Variants in AXIN1 observed in about 807,000 individuals in gnomAD.
The protein encoded by AXIN1 is axin 1.
Under a neutral mutation model 76.4 loss-of-function variants are expected in AXIN1, and 30 were observed. The observed-to-expected ratio is 0.39, with a 90% CI of 0.29 to 0.53. AXIN1 has a LOEUF of 0.53. Among genes scored for constraint, AXIN1 ranks in the 20% least tolerant of loss-of-function variants. AXIN1 has a pLI of 0.66. For synonymous variants in AXIN1, 545 were observed against 501.4 expected (o/e 1.09, Z -1.16); for missense variants, 1,140 against 1,198.8 (o/e 0.95, Z 0.72).
chr16:345,689 G>C (rs998722043), intron 2 of AXIN1, among the ~76,000 whole-genome samples: 3 of 150,262 alleles, frequency 2.0e-5, no homozygotes, highest in African/African-American at 7.4e-5. Context: ...ACTCCAGCCT[G>C]AGCAACAAAA....
chr16:302,527 C>T (rs1260978718), intron 5 of AXIN1, among the ~76,000 whole-genome samples: 2 of 152,250 alleles, frequency 1.3e-5, no homozygotes, highest in African/African-American at 4.8e-5. Flanking sequence ...AGCTGCTCAA[C>T]GAGCTATGTA....
chr16:344,362 G>A (rs1412411074), intron 2 of AXIN1, among the ~76,000 whole-genome samples: 2 of 149,430 alleles, frequency 1.3e-5, no homozygotes, highest in African/African-American at 4.9e-5. Flanking sequence ...CCTGGGAGGC[G>A]GAGCTTGCAG....
chr16:346,111 G>C (rs2054027789), intron 2 of AXIN1, 37 bp downstream of exon 2: 1 of 1,600,106 alleles, frequency 6.2e-7, no homozygotes, highest in Non-Finnish European at 8.5e-7. Context: ...GCTCTCGGAG[G>C]TGAGTACAGA....
In AXIN1 at chr16:289,599, G is replaced by A. The variant is rs138816818; in HGVS notation, c.2303C>T (p.Ser768Leu). ...ACTCCCGCCGCCCACCTTCCTCTGC[G>A]ATCTTGTCCTGGGGAAAGAGATGCA... ...DMELSETETR[S>L]QRKVGGGSAQ... Residue 768 changes from serine to leucine, a missense_variant, in exon 10 of 11, where the codon TCG becomes TTG. Ser to Leu is a moderately radical substitution (Grantham distance 145). This residue lies in a region of AXIN1 where 429 missense variants were observed against 405.8 expected (regional missense o/e 1.06). Coordinates refer to ENST00000262320, the MANE Select transcript of AXIN1 (RefSeq NM_003502.4). 2.6e-4 allele frequency: 421 copies of A among 1,612,774 alleles called. No homozygotes were observed. The highest frequency in any genetic ancestry group is 3.2e-4 in the Non-Finnish European group (383 of 1,179,910).
intron 1 of AXIN1, among the ~76,000 whole-genome samples, chr16:351,500 C>T (rs1049937641): frequency 1.3e-5 from 2 of 151,966 alleles, no homozygotes; most frequent in Non-Finnish European, 2.9e-5. Flanking sequence ...ATCCCAGCTA[C>T]TCAGGCGGCT....
In AXIN1 at chr16:297,204, T is replaced by G; in HGVS notation, c.1807A>C (p.Lys603Gln). 6.2e-7 allele frequency: 1 copy of G among 1,608,162 alleles called. No individual in the cohort carries two copies. The highest frequency in any genetic ancestry group is 8.5e-7 in the Non-Finnish European group (1 of 1,179,934). Reference sequence around the variant, plus strand: ...GACTCAGCCTTCTTGGCATTTCTTTTGCACGCCACGCCCACCTTCCCACTG... The same window carrying G: ...GACTCAGCCTTCTTGGCATTTCTTTGGCACGCCACGCCCACCTTCCCACTG... ...AHSGKVGVAC[K>Q]RNAKKAESGK... Residue 603 changes from lysine (K) to glutamine (Q), a missense_variant, in exon 7 of 11, where the codon AAA becomes CAA. Lys to Gln is a moderately conservative substitution (Grantham distance 53). Around this residue, in one of 3 missense-constraint regions of AXIN1, gnomAD observed 429 missense variants for 405.8 expected, o/e 1.06. Coordinates refer to ENST00000262320, the MANE Select transcript of AXIN1 (RefSeq NM_003502.4).
intron 2 of AXIN1, among the ~76,000 whole-genome samples, chr16:340,050 T>TC (rs1455832849): frequency 1.3e-5 from 2 of 149,260 alleles, no homozygotes; most frequent in South Asian, 2.1e-4. Flanking sequence ...TTCTTCTTCT[T>TC]TTTTTTTTTA....
At position 293,581 on chromosome 16, in the gene AXIN1, T is replaced by C. The variant is rs764500161; in HGVS notation, c.2093A>G (p.His698Arg). The change falls in exon 8 of 11, where the codon CAC becomes CGC. Residue 698 changes from histidine (H) to arginine (R), a missense_variant. Around this residue, in one of 3 missense-constraint regions of AXIN1, gnomAD observed 429 missense variants for 405.8 expected, o/e 1.06. Transcript: ENST00000262320. The surrounding 1 kb of genome is among the most constrained non-coding windows in gnomAD (Gnocchi z 4.6). ...LFIQDPTMPP[H>R]PAPNPLTQLE... The stretch of plus-strand genomic sequence containing the variant: ...CTGGGTTAGGGGGTTGGGAGCTGGG[T>C]GGGGTGGCATGGTGGGGTCTTGGAT... 2.0e-5 allele frequency: 33 copies of C among 1,611,540 alleles called. No individual in the cohort carries two copies. The South Asian group carries it at 3.6e-4, about 18-fold the overall frequency.
chr16:324,699 G>GGGC (rs1030101828), intron 2 of AXIN1, among the ~76,000 whole-genome samples: 6 of 152,194 alleles, frequency 3.9e-5, no homozygotes, highest in African/African-American at 1.4e-4. Context: ...GGAGGAGGAG[G>GGGC]GGCACCCCAG....
intron 7 of AXIN1, among the ~76,000 whole-genome samples, chr16:295,244 A>AC (rs1264061400): frequency 6.6e-6 from 1 of 151,388 alleles, no homozygotes; most frequent in African/African-American, 2.4e-5. Flanking sequence ...AGCTGGGATT[A>AC]CTGGCACTCG....
chr16:341,020 C>T (rs1227346482), intron 2 of AXIN1, among the ~76,000 whole-genome samples: 1 of 152,236 alleles, frequency 6.6e-6, no homozygotes, highest in Admixed American at 6.5e-5. Flanking sequence ...GCCTCCAGGA[C>T]AGAGGGGTCA....
chr16:299,420 T>C (rs1037339293), intron 5 of AXIN1, among the ~76,000 whole-genome samples: 3 of 152,158 alleles, frequency 2.0e-5, no homozygotes, highest in African/African-American at 7.2e-5. Flanking sequence ...TGGCACGATC[T>C]TGGCTCACTG....
At chr16:341,098 G>A (rs1018790982) in intron 2 of AXIN1, among the ~76,000 whole-genome samples, 6 of 152,388 alleles carry the variant, frequency 3.9e-5, no homozygotes, top group South Asian at 2.1e-4. Flanking sequence ...AGGTGACAGC[G>A]TGCTGGCAGT....
At chr16:328,547 T>G (rs2053627558) in intron 2 of AXIN1, among the ~76,000 whole-genome samples, 1 of 150,114 alleles carries the variant, frequency 6.7e-6, no homozygotes, top group African/African-American at 2.5e-5. Flanking sequence ...AAAAAAAAAA[T>G]TAGCCAGGCG....
intron 4 of AXIN1, among the ~76,000 whole-genome samples, chr16:306,897 G>T (rs1190163264): frequency 6.6e-6 from 1 of 152,238 alleles, no homozygotes; most frequent in Non-Finnish European, 1.5e-5. Flanking sequence ...ATGTGGGCCG[G>T]TGTGTCCGGG....
intron 5 of AXIN1, chr16:299,313 A>C: frequency 1.1e-6 from 1 of 871,344 alleles, no homozygotes; most frequent in Non-Finnish European, 1.4e-6. Context: ...TCTGGTGTCA[A>C]TACAAAAGAA....
rs1318558279 is a variant in AXIN1, at chr16:288,149, G to T, written c.2562C>A (p.Ile854=). ...EAVLPVFEEK[I]IGKVEKVD ...AGTCCACCTTCTCCACTTTGCCGAT[G>T]ATCTTCTCCTCAAAGACGGGCAGGA... The change falls in exon 11 of 11, where the codon ATC becomes ATA. Residue 854 remains isoleucine (I), a synonymous_variant. Transcript: ENST00000262320. 2 of 1,613,442 alleles carry T rather than the reference G, an allele frequency of 1.2e-6. No homozygotes were observed. The highest frequency in any genetic ancestry group is 1.7e-6 in the Non-Finnish European group (2 of 1,180,026).
intron 10 of AXIN1, among the ~76,000 whole-genome samples, chr16:289,098 G>T (rs2052477153): frequency 6.6e-6 from 1 of 150,770 alleles, no homozygotes; most frequent in Non-Finnish European, 1.5e-5. Context: ...TTTTTTTTGG[G>T]CGGGGGTAGA....
chr16:289,557 C>T lies in AXIN1; in HGVS notation c.2345G>A (p.Ser782Asn), dbSNP rs1269809545. 4 of 1,613,046 alleles carry T rather than the reference C, an allele frequency of 2.5e-6. No homozygotes were observed. Among genetic ancestry groups the T allele is most frequent in the Admixed American group, 3.3e-5 (2 of 60,018 alleles). The change falls in exon 10 of 11, where the codon AGC becomes AAC. Residue 782 changes from serine (S) to asparagine (N), a missense_variant. Around this residue, in one of 3 missense-constraint regions of AXIN1, gnomAD observed 429 missense variants for 405.8 expected, o/e 1.06. Transcript: ENST00000262320. ...GCAGAAGTAGTACGCCACAACGATG[C>T]TGTCACACGGCTGGGCACTCCCGCC... ...VGGGSAQPCD[S>N]IVVAYYFCGE...
Sources: allele counts gnomAD v4.1 joint callset (sites outside exome capture counted in the v4.1 genomes callset), GRCh38; gene constraint gnomAD v4.1.1; regional missense constraint gnomAD v4.1.1; non-coding constraint Gnocchi (gnomAD v3.1); transcripts MANE v1.5; gene names NCBI Gene and HGNC (gene_info 2026-07-23, HGNC 2026-07-21).